Variants in MEGF10 observed in about 807,000 individuals in gnomAD.
The protein encoded by MEGF10 is multiple epidermal growth factor-like domains protein 10.
Under a neutral mutation model 147.5 loss-of-function variants are expected in MEGF10, and 86 were observed. The ratio of observed to expected loss-of-function variants is 0.58; its 90% CI spans 0.49 to 0.70. The LOEUF is 0.70. Ranked by LOEUF, MEGF10 falls within the 30% of genes least tolerant of loss-of-function variation. The pLI, the probability that MEGF10 is intolerant of heterozygous loss-of-function variation, is 0.00. For missense variants in MEGF10, 1,329 were observed against 1,487.3 expected (o/e 0.89, Z 1.75); for synonymous variants, 478 against 525.5 (o/e 0.91, Z 1.24).
At chr5:127,454,645 C>T in intron 23 of MEGF10, 35 bp downstream of exon 23, 1 of 1,571,262 alleles carries the variant, frequency 6.4e-7, no homozygotes, top group South Asian at 1.2e-5. Flanking sequence ...ATCAGAAGCA[C>T]AATTAAATTT....
chr5:127,258,726 C>G, the MEGF10 span, among the ~76,000 whole-genome samples: 1 of 152,154 alleles, frequency 6.6e-6, no homozygotes. Context: ...TGGATTTGCT[C>G]TCTCTTGCTC....
chr5:127,291,599 T>A (rs1418066558), intron 1 of MEGF10, among the ~76,000 whole-genome samples: 1 of 152,110 alleles, frequency 6.6e-6, no homozygotes, highest in African/African-American at 2.4e-5. Flanking sequence ...GGGTGTGAGG[T>A]CGCAGTCTTA....
intron 1 of MEGF10, among the ~76,000 whole-genome samples, chr5:127,325,844 CAT>C (rs1561572133): frequency 1.9e-5 from 2 of 104,424 alleles, no homozygotes; most frequent in Non-Finnish European, 4.2e-5. Flanking sequence ...TATATATATA[CAT>C]ATATGTGTGT....
At chr5:127,432,249 C>G (rs769741349) in intron 13 of MEGF10, among the ~76,000 whole-genome samples, 3 of 152,132 alleles carry the variant, frequency 2.0e-5, no homozygotes. Context: ...CAGTGTTCAC[C>G]GGAAATGGTG....
intron 1 of MEGF10, among the ~76,000 whole-genome samples, chr5:127,295,492 T>C (rs2126702310): frequency 6.6e-6 from 1 of 152,348 alleles, no homozygotes; most frequent in African/African-American, 2.4e-5. Flanking sequence ...GGCTTTTAAT[T>C]TTCCCATTTC....
the MEGF10 span, among the ~76,000 whole-genome samples, chr5:127,237,607 G>T: frequency 1.3e-5 from 2 of 152,208 alleles, no homozygotes; most frequent in Non-Finnish European, 2.9e-5. Flanking sequence ...GGTATGGGTA[G>T]GTAGGCTGAG....
chr5:127,270,812 C>A, the MEGF10 span, among the ~76,000 whole-genome samples: 4 of 152,290 alleles, frequency 2.6e-5, no homozygotes, highest in South Asian at 8.3e-4. Flanking sequence ...TAAGTGAGAA[C>A]ATGCGGTATT....
chr5:127,438,947 C>T lies in MEGF10; in HGVS notation c.2233+380C>T, dbSNP rs78847477. ...AAGCCTCACTGCCTGATTTAATGTG[C>T]GCTCTTGGAAAAGGTGGAGTTCCGT... On this transcript the variant is annotated intron_variant, in intron 17 of 24. Coordinates refer to ENST00000503335, the MANE Select transcript of MEGF10 (RefSeq NM_001256545.2). Among the ~76,000 whole-genome samples, 998 of 152,232 alleles carry T rather than the reference C, an allele frequency of 6.6e-3. 11 individuals are homozygous for T. Among genetic ancestry groups the T allele is most frequent in the African/African-American group, 0.02 (837 of 41,532 alleles).
At position 127,399,081 on chromosome 5, in the gene MEGF10, A is replaced by G. The variant is rs189658289; in HGVS notation, c.780+285A>G. On this transcript the variant is annotated intron_variant, in intron 7 of 24. Transcript: ENST00000503335. Reference sequence around the variant, plus strand: ...CTTAAGGATAAAAAAAAGAGAGACAAATATCTAGTCTCACATGACAGTCAG... The same window carrying G: ...CTTAAGGATAAAAAAAAGAGAGACAGATATCTAGTCTCACATGACAGTCAG... 9.2e-5 allele frequency among the ~76,000 whole-genome samples: 14 copies of G among 152,352 alleles called. No homozygotes were observed. In the East Asian group the frequency reaches 2.1e-3, roughly 23 times the overall value.
chr5:127,424,312 C>G, intron 13 of MEGF10: 1 of 703,316 alleles, frequency 1.4e-6, no homozygotes, highest in East Asian at 2.7e-5. Flanking sequence ...AAATTGAAAT[C>G]CTTTTAAATT....
At chr5:127,454,979 A>G (rs1766304193) in intron 23 of MEGF10, among the ~76,000 whole-genome samples, 1 of 152,194 alleles carries the variant, frequency 6.6e-6, no homozygotes, top group South Asian at 2.1e-4. Flanking sequence ...ATGGGTGTGC[A>G]TGATTAGATG....
chr5:127,247,289 G>A, the MEGF10 span, among the ~76,000 whole-genome samples: 1 of 115,846 alleles, frequency 8.6e-6, no homozygotes, highest in East Asian at 2.4e-4. Context: ...GTGGTTGGGG[G>A]GTGGGGGAGA....
At chr5:127,339,295 G>A in intron 3 of MEGF10, 74 bp downstream of exon 3, 1 of 994,106 alleles carries the variant, frequency 1.0e-6, no homozygotes, top group South Asian at 1.4e-5. Flanking sequence ...ATTAATGACA[G>A]CAGAAAGTGC....
At position 127,343,441 on chromosome 5, in the gene MEGF10, A is replaced by C. The variant is rs539663464; in HGVS notation, c.319+2811A>C. Among the ~76,000 whole-genome samples the C allele has an allele frequency of 4.0e-5, 6 of 151,884 alleles. No homozygotes were observed. In the South Asian group the frequency reaches 1.2e-3, roughly 32 times the overall value. On this transcript the variant is annotated intron_variant, in intron 4 of 24. Coordinates refer to ENST00000503335, the MANE Select transcript of MEGF10 (RefSeq NM_001256545.2). Reference sequence around the variant, plus strand: ...TAGATGGTCATTCTGGAGGCTTGACATGGAACTGCCAGCTGCCTCACCCTC... The same window carrying C: ...TAGATGGTCATTCTGGAGGCTTGACCTGGAACTGCCAGCTGCCTCACCCTC...
chr5:127,292,805 G>T (rs962385166), intron 1 of MEGF10, among the ~76,000 whole-genome samples: 3 of 152,056 alleles, frequency 2.0e-5, no homozygotes, highest in African/African-American at 7.2e-5. Flanking sequence ...TCACTCATTT[G>T]TTCAGTAAGT....
rs570343524 is a variant in MEGF10 at position 127,302,753 on chromosome 5, G to T, written c.-19+11697G>T. 1.2e-4 allele frequency among the ~76,000 whole-genome samples: 19 copies of T among 152,302 alleles called. 1 individual carries two copies. Among genetic ancestry groups the T allele is most frequent in the Admixed American group, 1.2e-3 (19 of 15,300 alleles). ...CTGAGGAGAATGCCAAAAATGGCAA[G>T]ATGCAGCCTTCAGCGCCTTGCCAGT... On this transcript the variant is annotated intron_variant, in intron 1 of 24. Transcript: ENST00000503335.
At chr5:127,326,609 A>T (rs1203094221) in intron 1 of MEGF10, among the ~76,000 whole-genome samples, 1 of 152,206 alleles carries the variant, frequency 6.6e-6, no homozygotes, top group Non-Finnish European at 1.5e-5. Context: ...TCAAAGCTCC[A>T]GGAAGAACTT....
chr5:127,448,524 T>G (rs1386397954), intron 21 of MEGF10, among the ~76,000 whole-genome samples: 1 of 152,144 alleles, frequency 6.6e-6, no homozygotes, highest in African/African-American at 2.4e-5. Context: ...CAGTGCTCTA[T>G]TAGAAAAAAA....
At chr5:127,347,769 T>C (rs1434575362) in intron 4 of MEGF10, among the ~76,000 whole-genome samples, 1 of 152,010 alleles carries the variant, frequency 6.6e-6, no homozygotes, top group Non-Finnish European at 1.5e-5. Flanking sequence ...TAACATAGAA[T>C]GGAGAAAACA....
Sources: allele counts gnomAD v4.1 joint callset (sites outside exome capture counted in the v4.1 genomes callset), GRCh38; gene constraint gnomAD v4.1.1; transcripts MANE v1.5; gene names NCBI Gene and HGNC (gene_info 2026-07-23, HGNC 2026-07-21).